SEC23A: variants seen among roughly 807,000 people sequenced by gnomAD.
SEC23A encodes the protein protein transport protein Sec23A.
SEC23A carries 56 observed loss-of-function variants against 103.7 expected under a neutral mutation model. That is an observed-to-expected ratio of 0.54 (90% CI 0.44 to 0.67). The LOEUF is 0.67. Among genes scored for constraint, SEC23A ranks in the 30% least tolerant of loss-of-function variants. SEC23A has a pLI of 0.00. For synonymous variants in SEC23A, 281 were observed against 293.0 expected, an observed-to-expected ratio of 0.96 and a Z score of 0.42; for missense variants, 784 against 936.4, an observed-to-expected ratio of 0.84 and a Z score of 2.12.
chr14:39,054,632 T>G (rs1207789063), intron 14 of SEC23A, among the ~76,000 whole-genome samples: 2 of 151,968 alleles, frequency 1.3e-5, no homozygotes, highest in African/African-American at 4.8e-5. Flanking sequence ...GTACCATGCC[T>G]GGCCAATTTT....
chr14:39,053,500 G>A (rs1335990534), intron 14 of SEC23A, among the ~76,000 whole-genome samples: 2 of 151,204 alleles, frequency 1.3e-5, no homozygotes, highest in African/African-American at 2.4e-5. Context: ...CCCTATGAGA[G>A]GATTAATCTT....
chr14:39,098,592 T>G (rs1046163068), intron 1 of SEC23A, among the ~76,000 whole-genome samples: 13 of 151,850 alleles, frequency 8.6e-5, no homozygotes, highest in African/African-American at 3.1e-4. Context: ...CTGGCCAACA[T>G]GGTGAAACCC....
chr14:39,085,689 T>TATACACACACACACACACAC (rs573160536), intron 7 of SEC23A, 73 bp downstream of exon 7: 2 of 1,196,418 alleles, frequency 1.7e-6, no homozygotes, highest in African/African-American at 1.7e-5. Flanking sequence ...TAATTATATA[T>TATACACACACACACACACAC]ACACACACAC....
At chr14:39,063,563 C>A in intron 11 of SEC23A, 150 bp from the exon 12 acceptor site, 3 of 523,804 alleles carry the variant, frequency 5.7e-6, no homozygotes, top group Non-Finnish European at 1.0e-5. Context: ...ATTTTAAGAC[C>A]ATAAGTATAT....
At chr14:39,041,045 A>G (rs1885620292) in intron 17 of SEC23A, 158 bp from the exon 18 acceptor site, 1 of 670,578 alleles carries the variant, frequency 1.5e-6, no homozygotes, top group Non-Finnish European at 2.3e-6. Flanking sequence ...AGTAGAGAAA[A>G]TATTCTTAAT....
At chr14:39,076,883 C>T (rs562012739) in intron 7 of SEC23A, among the ~76,000 whole-genome samples, 6 of 149,078 alleles carry the variant, frequency 4.0e-5, no homozygotes, top group Middle Eastern at 3.5e-3. Context: ...GCCAAGATCA[C>T]GCCACTGCAC....
At chr14:39,067,146 T>G (rs761835118) in intron 10 of SEC23A, 27 bp downstream of exon 10, 1 of 1,613,330 alleles carries the variant, frequency 6.2e-7, no homozygotes, top group Admixed American at 1.7e-5. Flanking sequence ...TGATAACATA[T>G]CGCACATGTC....
intron 2 of SEC23A, 118 bp from the exon 3 acceptor site, chr14:39,093,362 C>T: frequency 1.3e-6 from 1 of 795,874 alleles, no homozygotes; most frequent in Admixed American, 2.5e-5. Flanking sequence ...AATTGATAGT[C>T]AAAGTAACTT....
At position 39,098,384 on chromosome 14, in the gene SEC23A, G is replaced by T. The variant is rs533264370; in HGVS notation, c.-21-2245C>A. ...AAACCTCTTCCACATTTATTATACA[G>T]AACATAAGGCAAATAAAATTGTGTT... On this transcript the variant is annotated intron_variant, in intron 1 of 19. Coordinates refer to ENST00000307712, the MANE Select transcript of SEC23A (RefSeq NM_006364.4). Among the ~76,000 whole-genome samples the T allele has an allele frequency of 2.1e-4, 32 of 152,098 alleles. 1 individual carries two copies. The South Asian group carries it at 6.2e-3, about 30-fold the overall frequency.
intron 8 of SEC23A, 99 bp downstream of exon 8, chr14:39,075,836 T>C (rs1886995201): frequency 1.0e-6 from 1 of 987,448 alleles, no homozygotes; most frequent in South Asian, 1.3e-5. Flanking sequence ...TCAAACTGTA[T>C]AATACCAATT....
chr14:39,093,417 C>T (rs1303029775), intron 2 of SEC23A, among the ~76,000 whole-genome samples, 173 bp from the exon 3 acceptor site: 1 of 152,134 alleles, frequency 6.6e-6, no homozygotes, highest in African/African-American at 2.4e-5. Flanking sequence ...CTAATTCACA[C>T]TTTTAACATA....
At chr14:39,040,678 C>T (rs1885607743) in intron 18 of SEC23A, 54 bp downstream of exon 18, 4 of 1,605,154 alleles carry the variant, frequency 2.5e-6, no homozygotes, top group Admixed American at 1.7e-5. Context: ...AGCAGGTACA[C>T]CTCACTGCAA....
Position 39,087,018 on chromosome 14 carries a change from G to C in SEC23A, c.604-10C>G, listed in dbSNP as rs773336926. On this transcript the variant is annotated splice_polypyrimidine_tract_variant and intron_variant, in intron 5 of 19. Coordinates refer to ENST00000307712, the MANE Select transcript of SEC23A (RefSeq NM_006364.4). Reference sequence around the variant, plus strand: ...AGAGCCCCAGCATTTCCTGTAAAGAGATTACTTGTGCAATATTCATTTAAT... The same window carrying C: ...AGAGCCCCAGCATTTCCTGTAAAGACATTACTTGTGCAATATTCATTTAAT... 2.3e-5 allele frequency: 33 copies of C among 1,406,922 alleles called. No homozygotes were observed. Among genetic ancestry groups the C allele is most frequent in the Middle Eastern group, 1.7e-4 (1 of 5,716 alleles). The allele number at this position is 1,406,922 out of a possible 1,614,324, so 87.2% of individuals were successfully genotyped here.
At chr14:39,064,848 G>A in intron 11 of SEC23A, 65 bp downstream of exon 11, 2 of 1,163,214 alleles carry the variant, frequency 1.7e-6, no homozygotes, top group Non-Finnish European at 2.6e-6. Flanking sequence ...CCAAGTACCT[G>A]GGATTACAGG....
At chr14:39,089,814 G>T (rs1887594810) in intron 5 of SEC23A, among the ~76,000 whole-genome samples, 1 of 152,114 alleles carries the variant, frequency 6.6e-6, no homozygotes, top group Admixed American at 6.5e-5. Flanking sequence ...AAATTAGCTG[G>T]GCATGATGGC....
At chr14:39,090,840 T>A (rs10134166) in intron 5 of SEC23A, 22,442 of 230,138 alleles carry the variant, frequency 0.098, 1,419 homozygotes, top group East Asian at 0.31. Flanking sequence ...GTGGATTAGA[T>A]CAATGCCCTT....
At chr14:39,073,288 C>A (rs1886897738) in intron 9 of SEC23A, among the ~76,000 whole-genome samples, 1 of 152,028 alleles carries the variant, frequency 6.6e-6, no homozygotes, top group Non-Finnish European at 1.5e-5. Context: ...TCACAAGAGA[C>A]CATTTGATTC....
chr14:39,080,853 CAACAAA>C lies in SEC23A; in HGVS notation c.829-4766_829-4761del, dbSNP rs143478259. 8.6e-3 allele frequency among the ~76,000 whole-genome samples: 1,305 copies of C among 151,938 alleles called. 21 individuals are homozygous for C. The highest frequency in any genetic ancestry group is 0.029 in the African/African-American group (1,215 of 41,480). On this transcript the variant is annotated intron_variant, in intron 7 of 19. Coordinates refer to ENST00000307712, the MANE Select transcript of SEC23A (RefSeq NM_006364.4). ...CCACATACTAGAGAAAATTAACCTG[CAACAAA>C]AACCCTACAAGATAAAAAAAAAATT...
At chr14:39,041,447 T>A (rs1885638638) in intron 17 of SEC23A, 1 of 43,428 alleles carries the variant, frequency 2.3e-5, no homozygotes, top group African/African-American at 7.6e-5. Context: ...CCTGTCAGTA[T>A]TACAGGTTTT....
Sources: allele counts gnomAD v4.1 joint callset (sites outside exome capture counted in the v4.1 genomes callset), GRCh38; gene constraint gnomAD v4.1.1; transcripts MANE v1.5; gene names NCBI Gene and HGNC (gene_info 2026-07-23, HGNC 2026-07-21).